Variants in SIL1 observed in about 807,000 individuals in gnomAD.
SIL1 encodes nucleotide exchange factor SIL1.
SIL1 carries 40 observed loss-of-function variants against 49.1 expected under a neutral mutation model. That is an observed-to-expected ratio of 0.81 (90% CI 0.63 to 1.06). The LOEUF is 1.06. Among genes scored for constraint, SIL1 ranks in the 50% least tolerant of loss-of-function variants. SIL1 has a pLI of 0.00. For synonymous variants in SIL1, 253 were observed against 250.8 expected (o/e 1.01, Z -0.08); for missense variants, 500 against 572.6 (o/e 0.87, Z 1.29).
intron 3 of SIL1, among the ~76,000 whole-genome samples, chr5:139,081,779 T>C (rs1371462474): frequency 6.6e-6 from 1 of 151,954 alleles, no homozygotes; most frequent in Non-Finnish European, 1.5e-5. Flanking sequence ...CTCAGGAGGC[T>C]GAGGCAGGAG....
chr5:139,195,682 C>T (rs907593195), intron 1 of SIL1, among the ~76,000 whole-genome samples: 4 of 152,196 alleles, frequency 2.6e-5, no homozygotes, highest in African/African-American at 4.8e-5. Flanking sequence ...CCACCATGCC[C>T]GGCCCTATTC....
intron 7 of SIL1, among the ~76,000 whole-genome samples, chr5:139,001,387 C>T (rs1767980979): frequency 6.6e-6 from 1 of 151,996 alleles, no homozygotes; most frequent in Non-Finnish European, 1.5e-5. Context: ...CATATGTACC[C>T]AAGGAGTCAT....
chr5:139,169,841 TCTCCCC>T (rs933311680), intron 1 of SIL1, among the ~76,000 whole-genome samples: 3 of 150,016 alleles, frequency 2.0e-5, no homozygotes, highest in African/African-American at 2.5e-5. Flanking sequence ...CCCCTCTCCC[TCTCCCC>T]ACGGTCTCCC....
intron 7 of SIL1, among the ~76,000 whole-genome samples, chr5:138,957,487 G>T (rs1231963281): frequency 6.6e-6 from 1 of 151,944 alleles, no homozygotes; most frequent in Non-Finnish European, 1.5e-5. Context: ...GGGAGGCTGA[G>T]GTAGGAGGAT....
Position 139,127,724 on chromosome 5 carries a change from A to C in SIL1, c.105+15T>G. On this transcript the variant is annotated intron_variant, in intron 2 of 9. Transcript: ENST00000394817. ...CTCATCAAGGGTCCCTCCCATTTACAATAAAGATATTTACCAGGTTCTGAT... is the reference window on the plus strand; with the variant it reads ...CTCATCAAGGGTCCCTCCCATTTACCATAAAGATATTTACCAGGTTCTGAT... 7.5e-6 allele frequency: 12 copies of C among 1,600,626 alleles called. No homozygotes were observed. The highest frequency in any genetic ancestry group is 1.0e-5 in the Non-Finnish European group (12 of 1,173,806).
chr5:139,127,388 G>T (rs939666657), intron 2 of SIL1, among the ~76,000 whole-genome samples: 2 of 152,176 alleles, frequency 1.3e-5, no homozygotes, highest in African/African-American at 4.8e-5. Flanking sequence ...CTCCTCAAAA[G>T]GAGAATAAAA....
intron 7 of SIL1, among the ~76,000 whole-genome samples, chr5:139,011,954 G>A (rs1344401753): frequency 1.3e-5 from 2 of 152,124 alleles, no homozygotes; most frequent in African/African-American, 4.8e-5. Context: ...TCAAAATTAT[G>A]AAGTCATAGC....
At chr5:139,197,217 G>A (rs1752291587) in intron 1 of SIL1, among the ~76,000 whole-genome samples, 1 of 138,892 alleles carries the variant, frequency 7.2e-6, no homozygotes, top group Non-Finnish European at 1.5e-5. Context: ...GCTGTGAGTC[G>A]AGATGGCACC....
chr5:139,019,637 C>T (rs796101824), intron 7 of SIL1, among the ~76,000 whole-genome samples: 5 of 152,294 alleles, frequency 3.3e-5, no homozygotes, highest in Admixed American at 6.5e-5. Context: ...GGGTGAGTTA[C>T]GGGTCTGCAA....
intron 1 of SIL1, among the ~76,000 whole-genome samples, chr5:139,178,871 T>C (rs1458003621): frequency 2.6e-5 from 4 of 152,258 alleles, no homozygotes; most frequent in African/African-American, 2.4e-5. Context: ...ATGTTTTATA[T>C]ACATTTGTTG....
intron 3 of SIL1, among the ~76,000 whole-genome samples, chr5:139,105,629 A>G (rs745333090): frequency 1.3e-5 from 2 of 152,230 alleles, no homozygotes; most frequent in Non-Finnish European, 2.9e-5. Context: ...TGCATAATGC[A>G]TGCAGGCCCG....
At chr5:138,969,385 C>G (rs1767223102) in intron 7 of SIL1, among the ~76,000 whole-genome samples, 1 of 152,206 alleles carries the variant, frequency 6.6e-6, no homozygotes, top group South Asian at 2.1e-4. Context: ...TGGCTGAAGA[C>G]TGGAAACTGT....
chr5:139,184,350 G>A (rs1350990903), intron 1 of SIL1, among the ~76,000 whole-genome samples: 5 of 152,106 alleles, frequency 3.3e-5, no homozygotes, highest in Non-Finnish European at 5.9e-5. Flanking sequence ...TAGACTCTCC[G>A]AGCCTCAATA....
chr5:138,947,452 C>T lies in SIL1; in HGVS notation c.1051G>A (p.Glu351Lys). 1 of 1,613,490 alleles carries T rather than the reference C, an allele frequency of 6.2e-7. No homozygotes were observed. The highest frequency in any genetic ancestry group is 2.2e-5 in the East Asian group (1 of 44,890). The change falls in exon 10 of 10, where the codon GAG becomes AAG. Residue 351 changes from glutamate to lysine, a missense_variant. By Grantham distance (56) the Glu-to-Lys change is moderately conservative (BLOSUM62 1). Coordinates refer to ENST00000394817, the MANE Select transcript of SIL1 (RefSeq NM_022464.5). This position sits in a 1 kb window ranked among gnomAD's most constrained non-coding sequence, Gnocchi z 4.1. The stretch of plus-strand genomic sequence containing the variant: ...TCTGGGGACATCTCCTGGGTCAGCT[C>T]AGCCTCCTCCTCGGCGAACATCTGC... The part of the protein sequence containing the change: ...TEKMFAEEEA[E>K]LTQEMSPEKL...
intron 5 of SIL1, among the ~76,000 whole-genome samples, chr5:139,029,527 G>T (rs1027139615): frequency 4.0e-5 from 6 of 151,882 alleles, no homozygotes; most frequent in Non-Finnish European, 7.4e-5. Context: ...TTGGAGTCAG[G>T]GTCTCGCTCT....
At chr5:139,146,593 A>G (rs1260494509) in intron 1 of SIL1, among the ~76,000 whole-genome samples, 1 of 152,136 alleles carries the variant, frequency 6.6e-6, no homozygotes, top group African/African-American at 2.4e-5. Context: ...AATAAAAATA[A>G]ACTTAAGAAA....
At chr5:139,131,572 A>C (rs1750863265) in intron 1 of SIL1, 1 of 152,270 alleles carries the variant, frequency 6.6e-6, no homozygotes, top group East Asian at 1.9e-4. Context: ...CTCACCCAGC[A>C]GCAAAAGCCT....
chr5:139,043,985 G>A (rs1769100168), intron 4 of SIL1, among the ~76,000 whole-genome samples: 1 of 152,158 alleles, frequency 6.6e-6, no homozygotes, highest in African/African-American at 2.4e-5. Context: ...CAGTCTCATA[G>A]TCTGAGATTC....
intron 5 of SIL1, among the ~76,000 whole-genome samples, chr5:139,037,481 T>C (rs946271206): frequency 2.6e-5 from 4 of 152,342 alleles, no homozygotes; most frequent in Admixed American, 1.3e-4. Context: ...ACACAAATGT[T>C]AGATCTTTTG....
Sources: gnomAD v4.1 joint callset for allele counts (sites outside exome capture counted in the v4.1 genomes callset) on GRCh38, gnomAD v4.1.1 for gene constraint, Gnocchi (gnomAD v3.1) non-coding constraint, MANE v1.5 for transcripts, NCBI Gene and HGNC (gene_info 2026-07-23, HGNC 2026-07-21) for gene names.